Variants in ZMAT4 observed in about 807,000 individuals in gnomAD.
ZMAT4 encodes zinc finger matrin-type protein 4.
ZMAT4 carries 17 observed loss-of-function variants against 28.7 expected under a neutral mutation model. That is an observed-to-expected ratio of 0.59 (90% CI 0.41 to 0.89). The LOEUF is 0.89. Ranked by LOEUF, ZMAT4 falls within the 40% of genes least tolerant of loss-of-function variation. The pLI is 0.00. For synonymous variants in ZMAT4, 117 were observed against 109.2 expected (o/e 1.07, Z -0.44); for missense variants, 240 against 283.8 (o/e 0.85, Z 1.11).
At chr8:40,602,919 T>C (rs1805448854) in intron 5 of ZMAT4, among the ~76,000 whole-genome samples, 1 of 152,198 alleles carries the variant, frequency 6.6e-6, no homozygotes, top group South Asian at 2.1e-4. Context: ...TTTAATTAAG[T>C]CCCATCCATT....
At chr8:40,554,515 C>G (rs1465653349) in intron 6 of ZMAT4, among the ~76,000 whole-genome samples, 2 of 152,072 alleles carry the variant, frequency 1.3e-5, no homozygotes, top group Admixed American at 1.3e-4. Context: ...GGAAATCAAG[C>G]AAAAACCTTT....
At chr8:40,535,667 CAAA>C (rs35203408) in intron 6 of ZMAT4, among the ~76,000 whole-genome samples, 5 of 140,656 alleles carry the variant, frequency 3.6e-5, no homozygotes, top group Non-Finnish European at 6.2e-5. Flanking sequence ...GACTCTGTCT[CAAA>C]AAAAAAAAAA....
At chr8:40,798,348 C>A (rs554689458) in intron 2 of ZMAT4, among the ~76,000 whole-genome samples, 23 of 152,292 alleles carry the variant, frequency 1.5e-4, no homozygotes, top group African/African-American at 5.1e-4. Flanking sequence ...TGCTGACTGG[C>A]ATCGCTCTGT....
chr8:40,640,584 C>T (rs890581585), intron 5 of ZMAT4, among the ~76,000 whole-genome samples: 4 of 151,876 alleles, frequency 2.6e-5, no homozygotes, highest in Admixed American at 6.6e-5. Flanking sequence ...CTTGATAGTT[C>T]TGGAAAGTTC....
intron 6 of ZMAT4, among the ~76,000 whole-genome samples, chr8:40,577,023 G>C (rs1431662110): frequency 6.6e-6 from 1 of 151,962 alleles, no homozygotes; most frequent in Admixed American, 6.6e-5. Context: ...GTGAAACCCT[G>C]TATCTACTAA....
At chr8:40,789,104 C>T (rs973769106) in intron 2 of ZMAT4, among the ~76,000 whole-genome samples, 2 of 147,096 alleles carry the variant, frequency 1.4e-5, no homozygotes, top group African/African-American at 5.1e-5. Flanking sequence ...AGAGGGAAGG[C>T]GAAGAAGGGA....
At chr8:40,847,214 C>CAAAAAAAAAAAAAAAAA (rs372935416) in intron 1 of ZMAT4, among the ~76,000 whole-genome samples, 1 of 99,594 alleles carries the variant, frequency 1.0e-5, no homozygotes, top group Non-Finnish European at 2.1e-5. Flanking sequence ...AAAAAACAAA[C>CAAAAAAAAAAAAAAAAA]AAACAAAAAA....
chr8:40,553,505 A>C (rs1271313000), intron 6 of ZMAT4, among the ~76,000 whole-genome samples: 1 of 152,126 alleles, frequency 6.6e-6, no homozygotes, highest in Non-Finnish European at 1.5e-5. Flanking sequence ...TTTCAACACT[A>C]TGGTTGACTG....
intron 3 of ZMAT4, among the ~76,000 whole-genome samples, chr8:40,756,426 T>TATATATATATATA (rs1812683324): frequency 1.5e-4 from 11 of 73,274 alleles, no homozygotes; most frequent in African/African-American, 6.1e-4. Flanking sequence ...AAATGTTCTT[T>TATATATATATATA]TATATATATA....
chr8:40,755,410 G>A (rs976467992), intron 3 of ZMAT4, among the ~76,000 whole-genome samples: 2 of 152,182 alleles, frequency 1.3e-5, no homozygotes, highest in Non-Finnish European at 2.9e-5. Flanking sequence ...GTGTGTGGCT[G>A]TGTTCCAATA....
At chr8:40,833,125 A>G (rs1292200163) in intron 1 of ZMAT4, among the ~76,000 whole-genome samples, 1 of 152,218 alleles carries the variant, frequency 6.6e-6, no homozygotes, top group Non-Finnish European at 1.5e-5. Flanking sequence ...CTGCCAGTGC[A>G]GGAGCCTCAG....
rs774708375 is a variant in ZMAT4, at chr8:40,713,637, A to C, written c.193-16236T>G. 1.3e-5 allele frequency among the ~76,000 whole-genome samples: 2 copies of C among 152,130 alleles called. 1 individual carries two copies. Among genetic ancestry groups the C allele is most frequent in the South Asian group, 4.1e-4 (2 of 4,826 alleles). On this transcript the variant is annotated intron_variant, in intron 3 of 6. Coordinates refer to ENST00000297737, the MANE Select transcript of ZMAT4 (RefSeq NM_024645.3). ...AAATATACATATCCAGGCCAGGCGC[A>C]GTGGCTCTTGTCCCTAATCCCAGCA...
intron 2 of ZMAT4, chr8:40,808,400 A>G (rs1213353587): frequency 1.3e-5 from 4 of 318,186 alleles, no homozygotes; most frequent in Admixed American, 4.3e-5. Context: ...AAAAAAAAAG[A>G]CAGCATATTT....
Position 40,584,733 on chromosome 8 carries a change from A to G in ZMAT4, c.578-3472T>C, listed in dbSNP as rs777825793. Among the ~76,000 whole-genome samples, 209 of 152,214 alleles carry G rather than the reference A, an allele frequency of 1.4e-3. 1 individual carries two copies. The highest frequency in any genetic ancestry group is 5.4e-4 in the Non-Finnish European group (37 of 68,024). On this transcript the variant is annotated intron_variant, in intron 5 of 6. Transcript: ENST00000297737. ...ACTGCAACCTCCGCCTCCCGAGTTC[A>G]AGCAATTCTCCTGCCTCAGCCTCCC...
intron 5 of ZMAT4, among the ~76,000 whole-genome samples, chr8:40,595,667 C>T (rs1409589021): frequency 7.2e-5 from 11 of 152,162 alleles, no homozygotes; most frequent in African/African-American, 2.7e-4. Flanking sequence ...AAAAATATAG[C>T]ATAAAAATAA....
At chr8:40,808,479 C>T in intron 2 of ZMAT4, 1 of 434,976 alleles carries the variant, frequency 2.3e-6, no homozygotes, top group Non-Finnish European at 4.6e-6. Context: ...TAACGGTTGA[C>T]AATGCAGTAG....
At chr8:40,615,552 G>A (rs1225245618) in intron 5 of ZMAT4, among the ~76,000 whole-genome samples, 13 of 152,154 alleles carry the variant, frequency 8.5e-5, no homozygotes, top group Admixed American at 8.5e-4. Flanking sequence ...CCCCGTCACT[G>A]TCAAGTACAC....
At chr8:40,866,985 T>C (rs933316568) in intron 1 of ZMAT4, among the ~76,000 whole-genome samples, 2 of 152,226 alleles carry the variant, frequency 1.3e-5, no homozygotes, top group Admixed American at 6.5e-5. Context: ...ATAGATGCTC[T>C]AACTAAGTCA....
chr8:40,717,514 A>T (rs1435623902), intron 3 of ZMAT4, among the ~76,000 whole-genome samples: 1 of 151,954 alleles, frequency 6.6e-6, no homozygotes, highest in Non-Finnish European at 1.5e-5. Context: ...AAAAATAACT[A>T]GCCAGGTGTG....
Sources: allele counts gnomAD v4.1 joint callset (sites outside exome capture counted in the v4.1 genomes callset), GRCh38; gene constraint gnomAD v4.1.1; transcripts MANE v1.5; gene names NCBI Gene and HGNC (gene_info 2026-07-23, HGNC 2026-07-21).